Variants in ARHGAP18 observed in about 807,000 individuals in gnomAD.
ARHGAP18 encodes the protein Rho GTPase activating protein 18, also known as rho GTPase-activating protein 18.
A neutral mutation model predicts 86.2 loss-of-function variants in ARHGAP18; 67 were observed. That is an observed-to-expected ratio of 0.78 (90% CI 0.64 to 0.95). The LOEUF is 0.95. Among genes scored for constraint, ARHGAP18 ranks in the 40% least tolerant of loss-of-function variants. The pLI is 0.00. For missense variants in ARHGAP18, 691 were observed against 780.4 expected (o/e 0.89, Z 1.37); for synonymous variants, 283 against 280.4 (o/e 1.01, Z -0.09).
chr6:129,584,028 T>C lies in ARHGAP18; in HGVS notation c.1798A>G (p.Lys600Glu). 1.2e-6 allele frequency: 2 copies of C among 1,613,852 alleles called. No individual in the cohort carries two copies. Among genetic ancestry groups the C allele is most frequent in the Middle Eastern group, 1.7e-4 (1 of 6,056 alleles). Residue 600 changes from lysine to glutamate, a missense_variant, in exon 13 of 15, where the codon AAA becomes GAA. By Grantham distance (56) the Lys-to-Glu change is moderately conservative. Transcript: ENST00000368149. ...SMAIQLTEEL[K>E]ASDVLARFLS... ...AACCTGGCAAGTACATCACTGGCTT[T>C]TAGTTCTTCAGTTAGCTGTATTGCC...
intron 12 of ARHGAP18, among the ~76,000 whole-genome samples, chr6:129,588,521 C>T (rs1179746804): frequency 6.6e-6 from 1 of 152,214 alleles, no homozygotes; most frequent in Non-Finnish European, 1.5e-5. Flanking sequence ...CAGCTCTGCC[C>T]CTGTGGCTTT....
At chr6:129,627,557 G>A (rs1460677187) in intron 5 of ARHGAP18, among the ~76,000 whole-genome samples, 2 of 151,842 alleles carry the variant, frequency 1.3e-5, no homozygotes, top group African/African-American at 4.8e-5. Context: ...ATAGTCAGAG[G>A]GGGAAACTCT....
rs1240663980 is a variant in ARHGAP18 at position 129,577,016 on chromosome 6, C to T, written c.*1497G>A. On this transcript the variant is annotated 3_prime_UTR_variant, in exon 15 of 15. Transcript: ENST00000368149. ...AGGTGACTTTTAATAACAAAAAAGT[C>T]CATTTCTCAATATTAATAAAAAAAA... The T allele has an allele frequency of 2.7e-5, 4 of 147,128 alleles. No homozygotes were observed. In the East Asian group the frequency reaches 6.0e-4, roughly 22 times the overall value. The allele number at this position is 147,128 out of a possible 1,614,324, so 9.1% of individuals were successfully genotyped here.
intron 8 of ARHGAP18, among the ~76,000 whole-genome samples, chr6:129,610,025 A>G (rs569013474): frequency 6.6e-6 from 1 of 152,224 alleles, no homozygotes; most frequent in Non-Finnish European, 1.5e-5. Flanking sequence ...ACGATTTCAT[A>G]AAGAATGGGG....
intron 4 of ARHGAP18, among the ~76,000 whole-genome samples, chr6:129,630,522 G>A (rs1773176838): frequency 6.6e-6 from 1 of 151,984 alleles, no homozygotes; most frequent in Non-Finnish European, 1.5e-5. Context: ...ACAAAGTGAT[G>A]GAAGCTAAAG....
chr6:129,655,317 C>CAA (rs55681217), intron 1 of ARHGAP18, among the ~76,000 whole-genome samples: 196 of 74,624 alleles, frequency 2.6e-3, no homozygotes, highest in Non-Finnish European at 3.2e-3. Context: ...AAAACTCTCT[C>CAA]AAAAAAAAAA....
At chr6:129,654,454 G>A (rs555996819) in intron 1 of ARHGAP18, among the ~76,000 whole-genome samples, 8 of 152,030 alleles carry the variant, frequency 5.3e-5, no homozygotes, top group South Asian at 4.2e-4. Flanking sequence ...CCTTAGTCTC[G>A]GGCTCATTAC....
chr6:129,589,578 CTT>C (rs1788469900), intron 12 of ARHGAP18, among the ~76,000 whole-genome samples: 2 of 152,188 alleles, frequency 1.3e-5, no homozygotes, highest in South Asian at 4.1e-4. Context: ...GTTCCAAACT[CTT>C]TCACATTTTC....
Position 129,618,798 on chromosome 6 carries a change from G to C in ARHGAP18, c.841C>G (p.Pro281Ala). 6.2e-7 allele frequency: 1 copy of C among 1,613,498 alleles called. No individual in the cohort carries two copies. Among genetic ancestry groups the C allele is most frequent in the East Asian group, 2.2e-5 (1 of 44,866 alleles). Residue 281 changes from proline to alanine, a missense_variant, in exon 6 of 15, where the codon CCC (proline) becomes GCC (alanine). Coordinates refer to ENST00000368149, the MANE Select transcript of ARHGAP18 (RefSeq NM_033515.3). ...TGTTRIGDLA[P>A]QDMKKVCHLA... ...TGGCAAACTTTCTTCATGTCCTGGG[G>C]TGCGAGGTCACCAATCCTTGTGGTA...
chr6:129,699,983 A>G (rs2157460), intron 1 of ARHGAP18, among the ~76,000 whole-genome samples: 18,782 of 152,146 alleles, frequency 0.12, 1,537 homozygotes, highest in African/African-American at 0.23. Flanking sequence ...ACAGTTTTCA[A>G]ATTTTTGTAC....
At chr6:129,704,131 C>A (rs897415215) in intron 1 of ARHGAP18, among the ~76,000 whole-genome samples, 1 of 152,022 alleles carries the variant, frequency 6.6e-6, no homozygotes, top group Non-Finnish European at 1.5e-5. Context: ...TAATGTTTAT[C>A]TCAAAAAGAT....
rs1788895865 is a variant in ARHGAP18, at chr6:129,608,085, A to AT, written c.1123-34_1123-33insA. The AT allele has an allele frequency of 2.0e-6, 3 of 1,506,792 alleles. No individual in the cohort carries two copies. In the South Asian group the frequency reaches 3.9e-5, roughly 20 times the overall value. The allele number at this position is 1,506,792 out of a possible 1,614,324, so 93.3% of individuals were successfully genotyped here. On this transcript the variant is annotated intron_variant, in intron 8 of 14. Coordinates refer to ENST00000368149, the MANE Select transcript of ARHGAP18 (RefSeq NM_033515.3). ...GCACGAAAAAAAAAAAAAAAAAAAA[A>AT]AGAAGCAGCTAGAAGTGCATTTTTT...
intron 7 of ARHGAP18, among the ~76,000 whole-genome samples, chr6:129,615,296 AG>A (rs1253030899): frequency 6.6e-5 from 10 of 152,234 alleles, no homozygotes; most frequent in African/African-American, 2.4e-4. Context: ...AGTGGCTAAA[AG>A]AGGCTGATGG....
chr6:129,604,208 C>T (rs1352950755), intron 10 of ARHGAP18, among the ~76,000 whole-genome samples: 1 of 149,816 alleles, frequency 6.7e-6, no homozygotes, highest in Admixed American at 6.7e-5. Flanking sequence ...GTACTCCCCC[C>T]CCCCTTAATT....
At chr6:129,579,635 G>A (rs1302321189) in intron 14 of ARHGAP18, among the ~76,000 whole-genome samples, 1 of 152,142 alleles carries the variant, frequency 6.6e-6, no homozygotes, top group South Asian at 2.1e-4. Context: ...GTGTGCATGT[G>A]TATAAAATTT....
At chr6:129,630,011 A>G (rs1773163896) in intron 4 of ARHGAP18, among the ~76,000 whole-genome samples, 1 of 152,190 alleles carries the variant, frequency 6.6e-6, no homozygotes, top group Non-Finnish European at 1.5e-5. Context: ...ACTTTCTGGA[A>G]TATTACCTAC....
At chr6:129,690,390 A>T (rs1774505691) in intron 1 of ARHGAP18, among the ~76,000 whole-genome samples, 1 of 152,170 alleles carries the variant, frequency 6.6e-6, no homozygotes, top group African/African-American at 2.4e-5. Context: ...TATTACCCTC[A>T]TCTCAAGTCA....
At chr6:129,701,509 C>T (rs561005591) in intron 1 of ARHGAP18, among the ~76,000 whole-genome samples, 20 of 152,318 alleles carry the variant, frequency 1.3e-4, no homozygotes, top group African/African-American at 3.6e-4. Context: ...CGGTGGCTCA[C>T]GCCTATAATC....
intron 1 of ARHGAP18, among the ~76,000 whole-genome samples, chr6:129,661,059 A>C (rs542249142): frequency 1.3e-4 from 20 of 151,950 alleles, no homozygotes; most frequent in Admixed American, 9.8e-4. Flanking sequence ...CACAATGGTG[A>C]ATTAACATTA....
Sources: allele counts gnomAD v4.1 joint callset (sites outside exome capture counted in the v4.1 genomes callset), GRCh38; gene constraint gnomAD v4.1.1; transcripts MANE v1.5; gene names NCBI Gene and HGNC (gene_info 2026-07-23, HGNC 2026-07-21).